Variants in TENM3 observed in about 807,000 individuals in gnomAD.
The protein encoded by TENM3 is teneurin transmembrane protein 3.
Under a neutral mutation model 255.1 loss-of-function variants are expected in TENM3, and 63 were observed. That is an observed-to-expected ratio of 0.25 (90% CI 0.20 to 0.30). The LOEUF (loss-of-function observed/expected upper bound fraction) is 0.30. TENM3 is among the 10% of genes least tolerant of loss of function. The pLI, the probability that TENM3 is intolerant of heterozygous loss-of-function variation, is 1.00. For missense variants in TENM3, 2,929 were observed against 3,461.1 expected (o/e 0.85, Z 3.86); for synonymous variants, 1,306 against 1,322.3 (o/e 0.99, Z 0.27).
chr4:182,313,959 T>G (rs991213450), intron 1 of TENM3, among the ~76,000 whole-genome samples: 4 of 152,210 alleles, frequency 2.6e-5, no homozygotes, highest in Admixed American at 2.0e-4. Context: ...AAAGTCTGAT[T>G]TATACAATTA....
chr4:181,868,869 AT>A, the TENM3 span, among the ~76,000 whole-genome samples: 7 of 152,154 alleles, frequency 4.6e-5, no homozygotes, highest in Non-Finnish European at 8.8e-5. Context: ...CCAGTTATTT[AT>A]TCCAGAGAAG....
chr4:181,649,621 C>A, the TENM3 span, among the ~76,000 whole-genome samples: 1 of 152,058 alleles, frequency 6.6e-6, no homozygotes, highest in African/African-American at 2.4e-5. Flanking sequence ...GGGATGTGTT[C>A]GTGTGTTTTG....
chr4:182,221,574 A>G (rs1755853576), intron 1 of TENM3, among the ~76,000 whole-genome samples: 1 of 152,344 alleles, frequency 6.6e-6, no homozygotes, highest in East Asian at 1.9e-4. Context: ...GTCTTGTATA[A>G]TTAACTAATA....
chr4:182,417,870 T>C (rs568189243), intron 3 of TENM3, among the ~76,000 whole-genome samples: 1 of 152,328 alleles, frequency 6.6e-6, no homozygotes, highest in African/African-American at 2.4e-5. Context: ...ATTGATAACA[T>C]GTTTCATGAT....
chr4:181,806,944 T>G, the TENM3 span, among the ~76,000 whole-genome samples: 1 of 152,304 alleles, frequency 6.6e-6, no homozygotes, highest in East Asian at 1.9e-4. Flanking sequence ...ACTGTATCTG[T>G]CTCGCCCATC....
the TENM3 span, among the ~76,000 whole-genome samples, chr4:181,595,007 T>C: frequency 6.6e-6 from 1 of 152,044 alleles, no homozygotes; most frequent in South Asian, 2.1e-4. Context: ...ATATAGTGCA[T>C]CTCCCATGGA....
the TENM3 span, among the ~76,000 whole-genome samples, chr4:181,604,076 AAC>A: frequency 2.0e-5 from 3 of 152,124 alleles, no homozygotes; most frequent in Non-Finnish European, 4.4e-5. Flanking sequence ...CATCCTGGTT[AAC>A]ACGGTGAAAC....
At chr4:182,124,402 T>G in the TENM3 span, among the ~76,000 whole-genome samples, 3 of 152,186 alleles carry the variant, frequency 2.0e-5, no homozygotes, top group East Asian at 5.8e-4. Flanking sequence ...GATAATTTCA[T>G]ATGTGAATCT....
the TENM3 span, among the ~76,000 whole-genome samples, chr4:181,587,618 G>A: frequency 6.6e-6 from 1 of 152,192 alleles, no homozygotes; most frequent in East Asian, 1.9e-4. Flanking sequence ...AGTAACGGAA[G>A]AAATAAGGAT....
At chr4:181,853,328 G>A in the TENM3 span, among the ~76,000 whole-genome samples, 1 of 152,092 alleles carries the variant, frequency 6.6e-6, no homozygotes, top group East Asian at 1.9e-4. Flanking sequence ...TTGCTTTATT[G>A]TAACTTTAGT....
intron 1 of TENM3, among the ~76,000 whole-genome samples, chr4:182,296,622 G>C (rs1761516582): frequency 6.6e-6 from 1 of 152,220 alleles, no homozygotes; most frequent in South Asian, 2.1e-4. Flanking sequence ...GAGACCTCCT[G>C]TTTTGAAGCC....
intron 1 of TENM3, among the ~76,000 whole-genome samples, chr4:182,275,814 G>C (rs1001927541): frequency 1.3e-5 from 2 of 152,078 alleles, no homozygotes; most frequent in African/African-American, 4.8e-5. Flanking sequence ...CCGCATGCTT[G>C]AAGTGCTAGC....
chr4:181,733,398 T>C, the TENM3 span, among the ~76,000 whole-genome samples: 2 of 152,222 alleles, frequency 1.3e-5, no homozygotes, highest in Non-Finnish European at 2.9e-5. Flanking sequence ...CTGTTGCTTA[T>C]TGCTAGAAAC....
At chr4:182,523,280 T>C (rs907371930) in intron 3 of TENM3, among the ~76,000 whole-genome samples, 10 of 152,054 alleles carry the variant, frequency 6.6e-5, no homozygotes, top group African/African-American at 2.4e-4. Context: ...CCAGACACAG[T>C]TCATAGACCA....
the TENM3 span, among the ~76,000 whole-genome samples, chr4:181,872,666 T>C: frequency 6.6e-6 from 1 of 152,216 alleles, no homozygotes; most frequent in African/African-American, 2.4e-5. Flanking sequence ...TTTTTTGATA[T>C]TGATTATTTT....
chr4:182,528,716 C>G (rs1159962617), intron 3 of TENM3, among the ~76,000 whole-genome samples: 1 of 152,224 alleles, frequency 6.6e-6, no homozygotes, highest in Non-Finnish European at 1.5e-5. Context: ...GTTGTCCAGT[C>G]TTTTGGCTTC....
chr4:182,501,408 A>C (rs1277127676), intron 3 of TENM3, among the ~76,000 whole-genome samples: 1 of 151,782 alleles, frequency 6.6e-6, no homozygotes. Context: ...TTATTACTAC[A>C]TGACATCTTA....
intron 1 of TENM3, among the ~76,000 whole-genome samples, chr4:182,298,898 C>T (rs905204036): frequency 1.4e-5 from 2 of 144,032 alleles, no homozygotes; most frequent in East Asian, 2.2e-4. Flanking sequence ...GCTTGAACCT[C>T]GCTTGAACCC....
At chr4:181,784,586 T>C in the TENM3 span, among the ~76,000 whole-genome samples, 1 of 152,178 alleles carries the variant, frequency 6.6e-6, no homozygotes, top group Non-Finnish European at 1.5e-5. Context: ...CCTTTCAAAT[T>C]ATTCTCCCCT....
Sources: gnomAD v4.1 joint callset for allele counts (sites outside exome capture counted in the v4.1 genomes callset) on GRCh38, gnomAD v4.1.1 for gene constraint, MANE v1.5 for transcripts, NCBI Gene and HGNC (gene_info 2026-07-23, HGNC 2026-07-21) for gene names.